PGM1: variants seen among roughly 807,000 people sequenced by gnomAD.
PGM1 encodes phosphoglucomutase-1.
A neutral mutation model predicts 55.6 loss-of-function variants in PGM1; 52 were observed. That is an observed-to-expected ratio of 0.94 (90% CI 0.75 to 1.18). The LOEUF (loss-of-function observed/expected upper bound fraction) is 1.18. PGM1 is among the 50% of genes most tolerant of loss of function. The pLI, the probability that PGM1 is intolerant of heterozygous loss-of-function variation, is 0.00. For missense variants in PGM1, 724 were observed against 729.3 expected (o/e 0.99, Z 0.08); for synonymous variants, 287 against 271.7 (o/e 1.06, Z -0.55).
At chr1:63,647,818 A>C (rs1002928105) in intron 7 of PGM1, among the ~76,000 whole-genome samples, 1 of 152,198 alleles carries the variant, frequency 6.6e-6, no homozygotes, top group Non-Finnish European at 1.5e-5. Flanking sequence ...GAAATTTTGT[A>C]ATGGTCATGT....
rs55760196 is a variant in PGM1 at position 63,647,259 on chromosome 1, C to CATATATATATATAT, written c.1145-1222_1145-1209dup. Among the ~76,000 whole-genome samples the CATATATATATATAT allele has an allele frequency of 1.9e-3, 106 of 55,288 alleles. 9 individuals carry two copies. Among genetic ancestry groups the CATATATATATATAT allele is most frequent in the South Asian group, 2.5e-3 (5 of 1,982 alleles). The allele number at this position is 55,288 out of a possible 152,430, so 36.3% of individuals were successfully genotyped here. On this transcript the variant is annotated intron_variant, in intron 7 of 10. Coordinates refer to ENST00000371084, the MANE Select transcript of PGM1 (RefSeq NM_002633.3). ...CTCCGTCTCAAAAAATAAAATTTTA[C>CATATATATATATAT]ATATATATATATATATATATATATA...
intron 7 of PGM1, among the ~76,000 whole-genome samples, chr1:63,644,177 A>G (rs1242761853): frequency 6.6e-6 from 1 of 152,238 alleles, no homozygotes; most frequent in Non-Finnish European, 1.5e-5. Context: ...GGCTGAGCCG[A>G]GTATGTGCTT....
intron 1 of PGM1, among the ~76,000 whole-genome samples, chr1:63,609,049 G>A (rs1363782165): frequency 6.6e-6 from 1 of 152,172 alleles, no homozygotes; most frequent in African/African-American, 2.4e-5. Context: ...TAAGAAGATG[G>A]GCCTAGGGAG....
chr1:63,647,714 G>A (rs1649693327), intron 7 of PGM1, among the ~76,000 whole-genome samples: 1 of 152,132 alleles, frequency 6.6e-6, no homozygotes, highest in South Asian at 2.1e-4. Flanking sequence ...CAGCCTTGCA[G>A]TGAGACCTTT....
At chr1:63,630,126 T>C in intron 3 of PGM1, 38 bp downstream of exon 3, 1 of 1,605,240 alleles carries the variant, frequency 6.2e-7, no homozygotes. Flanking sequence ...CCACTCCTAT[T>C]TCCAAGTTGA....
At chr1:63,657,936 T>C (rs542263509) in intron 10 of PGM1, among the ~76,000 whole-genome samples, 24 of 152,370 alleles carry the variant, frequency 1.6e-4, no homozygotes, top group African/African-American at 5.8e-4. Context: ...ATCATCAAGA[T>C]AAATGCCTGG....
At chr1:63,612,668 A>G (rs1403388229) in intron 1 of PGM1, among the ~76,000 whole-genome samples, 3 of 152,180 alleles carry the variant, frequency 2.0e-5, no homozygotes, top group South Asian at 4.1e-4. Flanking sequence ...GGAAGCAATT[A>G]TAAGCTTTCA....
chr1:63,636,531 G>A, intron 6 of PGM1, 143 bp downstream of exon 6: 1 of 942,658 alleles, frequency 1.1e-6, no homozygotes, highest in Non-Finnish European at 1.7e-6. Flanking sequence ...CTTGTGTGAG[G>A]GGATGGTTGG....
chr1:63,623,880 C>A, intron 1 of PGM1: 1 of 659,380 alleles, frequency 1.5e-6, no homozygotes, highest in South Asian at 2.1e-5. Context: ...TAACATCCAG[C>A]TAAGTTTCAT....
At chr1:63,648,423 T>G (rs1217882822) in intron 7 of PGM1, 94 bp from the exon 8 acceptor site, 1 of 1,371,726 alleles carries the variant, frequency 7.3e-7, no homozygotes, top group African/African-American at 1.4e-5. Context: ...AACATGAGAT[T>G]TGGGTGGGGA....
At chr1:63,647,263 T>TATATATATAC (rs1649675554) in intron 7 of PGM1, among the ~76,000 whole-genome samples, 1 of 7,880 alleles carries the variant, frequency 1.3e-4, no homozygotes, top group Non-Finnish European at 1.9e-4. Flanking sequence ...ATTTTACATA[T>TATATATATAC]ATATATATAT....
chr1:63,632,234 G>A (rs1241986866), intron 4 of PGM1, among the ~76,000 whole-genome samples: 2 of 152,056 alleles, frequency 1.3e-5, no homozygotes, highest in Non-Finnish European at 2.9e-5. Flanking sequence ...TTAAATTCAG[G>A]AGCAACATGA....
intron 7 of PGM1, among the ~76,000 whole-genome samples, chr1:63,647,173 G>A (rs1649667448): frequency 6.6e-6 from 1 of 150,526 alleles, no homozygotes; most frequent in African/African-American, 2.4e-5. Flanking sequence ...AGCCTGGGGG[G>A]CAGAGGTTGC....
chr1:63,623,832 G>A (rs968534890), intron 1 of PGM1: 79 of 1,065,930 alleles, frequency 7.4e-5, no homozygotes, highest in Non-Finnish European at 9.4e-5. Context: ...GTATACAAAC[G>A]TACAAGGATT....
In PGM1 at chr1:63,629,442, C is replaced by A. The variant is rs200946909; in HGVS notation, c.264C>A (p.Ile88=). The change falls in exon 2 of 11, where the codon ATC becomes ATA. Residue 88 remains isoleucine, a synonymous_variant. Transcript: ENST00000371084. ...TCTCCTAGATCGGTCGCTTGGTTAT[C>A]GGACAGAATGGAATCCTCTCCACCC... ...AAANGIGRLV[I]GQNGILSTPA... is the part of the protein sequence containing the mutation. 1 of 1,613,042 alleles carries A rather than the reference C, an allele frequency of 6.2e-7. No individual in the cohort carries two copies. The highest frequency in any genetic ancestry group is 1.7e-5 in the Admixed American group (1 of 59,986).
chr1:63,633,675 CT>C (rs200102674), intron 4 of PGM1, among the ~76,000 whole-genome samples: 21 of 147,076 alleles, frequency 1.4e-4, no homozygotes, highest in Admixed American at 1.4e-4. Context: ...TTTTTATTTT[CT>C]TTTTTTTTTG....
At chr1:63,658,053 A>T (rs897384874) in intron 10 of PGM1, among the ~76,000 whole-genome samples, 19 of 152,214 alleles carry the variant, frequency 1.2e-4, no homozygotes, top group African/African-American at 4.6e-4. Context: ...GCCCAGGTGT[A>T]TCACCATCTA....
chr1:63,608,419 AG>A (rs905505495), intron 1 of PGM1, among the ~76,000 whole-genome samples: 116 of 152,338 alleles, frequency 7.6e-4, no homozygotes, highest in African/African-American at 2.7e-3. Context: ...CGAGGAAGAG[AG>A]TCCTGTCAGC....
intron 7 of PGM1, among the ~76,000 whole-genome samples, chr1:63,642,092 G>A (rs1328045130): frequency 1.3e-5 from 2 of 152,124 alleles, no homozygotes; most frequent in Non-Finnish European, 2.9e-5. Context: ...CCACTCCACA[G>A]TCCAGGGTTG....
Sources: gnomAD v4.1 joint callset for allele counts (sites outside exome capture counted in the v4.1 genomes callset) on GRCh38, gnomAD v4.1.1 for gene constraint, MANE v1.5 for transcripts, NCBI Gene and HGNC (gene_info 2026-07-23, HGNC 2026-07-21) for gene names.